SUSD4: variants seen among roughly 807,000 people sequenced by gnomAD.
The protein encoded by SUSD4 is sushi domain containing 4.
SUSD4 carries 41 observed loss-of-function variants against 50.5 expected under a neutral mutation model. That is an observed-to-expected ratio of 0.81 (90% CI 0.63 to 1.05). SUSD4 has a LOEUF of 1.05. Ranked by LOEUF, SUSD4 falls within the 50% of genes least tolerant of loss-of-function variation. SUSD4 has a pLI of 0.00. For missense variants in SUSD4, 580 were observed against 634.7 expected, an observed-to-expected ratio of 0.91 and a Z score of 0.93; for synonymous variants, 257 against 257.3, an observed-to-expected ratio of 1.00 and a Z score of 0.01.
At chr1:223,240,280 T>C (rs1162991351) in intron 5 of SUSD4, among the ~76,000 whole-genome samples, 3 of 152,196 alleles carry the variant, frequency 2.0e-5, no homozygotes, top group Non-Finnish European at 4.4e-5. Context: ...TTTTGTTTTC[T>C]GTTTGTTTTG....
At chr1:223,313,850 C>T (rs1666023222) in intron 2 of SUSD4, among the ~76,000 whole-genome samples, 1 of 152,126 alleles carries the variant, frequency 6.6e-6, no homozygotes, top group African/African-American at 2.4e-5. Flanking sequence ...GCCAGCACCA[C>T]GGCAGCTTAC....
chr1:223,270,054 A>G (rs749322915), intron 3 of SUSD4, among the ~76,000 whole-genome samples: 4 of 151,946 alleles, frequency 2.6e-5, no homozygotes, highest in Non-Finnish European at 5.9e-5. Context: ...TTACTGGGAG[A>G]AATGGGAAGT....
At chr1:223,362,504 T>C (rs1038531864) in intron 2 of SUSD4, among the ~76,000 whole-genome samples, 1 of 152,214 alleles carries the variant, frequency 6.6e-6, no homozygotes, top group Middle Eastern at 3.2e-3. Context: ...GAACTCCATC[T>C]GTCTTCCTCT....
At position 223,328,505 on chromosome 1, in the gene SUSD4, T is replaced by C. The variant is rs554882842; in HGVS notation, c.148+34773A>G. Among the ~76,000 whole-genome samples the C allele has an allele frequency of 3.9e-5, 6 of 152,338 alleles. No individual in the cohort carries two copies. In the East Asian group the frequency reaches 1.2e-3, roughly 29 times the overall value. On this transcript the variant is annotated intron_variant, in intron 2 of 8. Transcript: ENST00000366878. ...TCTTCTGGTGAGACTTTTCAGTGAC[T>C]TCTCCCTGTCAAAAGGTACCTCTGT...
At chr1:223,299,921 A>G (rs1441810590) in intron 2 of SUSD4, among the ~76,000 whole-genome samples, 1 of 152,164 alleles carries the variant, frequency 6.6e-6, no homozygotes, top group Admixed American at 6.5e-5. Flanking sequence ...GTCTCCAAGG[A>G]GATACCTATC....
chr1:223,294,031 T>G (rs1021000031), intron 2 of SUSD4, among the ~76,000 whole-genome samples: 2 of 152,198 alleles, frequency 1.3e-5, no homozygotes, highest in Admixed American at 6.5e-5. Flanking sequence ...GTGTGCATAA[T>G]GCTTTAACCG....
chr1:223,352,240 C>A (rs1183789915), intron 2 of SUSD4, among the ~76,000 whole-genome samples: 2 of 152,198 alleles, frequency 1.3e-5, no homozygotes. Flanking sequence ...TTTAGATAAT[C>A]TGTGTGTTTG....
intron 2 of SUSD4, among the ~76,000 whole-genome samples, chr1:223,296,963 T>A (rs1010988765): frequency 1.3e-4 from 20 of 152,148 alleles, no homozygotes; most frequent in Admixed American, 1.3e-3. Flanking sequence ...CTTATAGCAG[T>A]GTGAGAACAG....
intron 5 of SUSD4, among the ~76,000 whole-genome samples, chr1:223,261,968 A>G (rs1306348179): frequency 6.6e-6 from 1 of 152,170 alleles, no homozygotes; most frequent in Non-Finnish European, 1.5e-5. Flanking sequence ...AGGCTATGTG[A>G]CTTGCCCCAG....
At chr1:223,252,558 C>CAAATT (rs1661407151) in intron 5 of SUSD4, among the ~76,000 whole-genome samples, 1 of 152,094 alleles carries the variant, frequency 6.6e-6, no homozygotes, top group African/African-American at 2.4e-5. Context: ...CTTGGCTTCC[C>CAAATT]AGCTTCCTGA....
At chr1:223,329,751 T>C (rs1179208848) in intron 2 of SUSD4, among the ~76,000 whole-genome samples, 1 of 151,598 alleles carries the variant, frequency 6.6e-6, no homozygotes, top group African/African-American at 2.4e-5. Flanking sequence ...AATGACATAG[T>C]GAATGGACAG....
chr1:223,236,951 T>C (rs1320013791), intron 5 of SUSD4, among the ~76,000 whole-genome samples: 1 of 152,152 alleles, frequency 6.6e-6, no homozygotes, highest in Admixed American at 6.5e-5. Flanking sequence ...AGAACGAACA[T>C]CTGGACAATA....
intron 2 of SUSD4, among the ~76,000 whole-genome samples, chr1:223,296,169 G>T (rs1558225664): frequency 6.6e-6 from 1 of 152,276 alleles, no homozygotes; most frequent in East Asian, 1.9e-4. Flanking sequence ...AGGTGAGTCA[G>T]AAACAAGGCA....
At chr1:223,264,523 A>G in intron 5 of SUSD4, 107 bp downstream of exon 5, 1 of 1,506,270 alleles carries the variant, frequency 6.6e-7, no homozygotes. Flanking sequence ...ATGTATTCAG[A>G]GAAGAAAAGT....
At position 223,268,528 on chromosome 1, in the gene SUSD4, G is replaced by A. The variant is rs757896333; in HGVS notation, c.509C>T (p.Thr170Met). The part of the protein sequence containing the change: ...NMVSLCRDDG[T>M]WNNLPICQGC... Reference sequence around the variant, plus strand: ...TTGACAGATGGGCAGATTATTCCACGTTCCATCATCGCGACATAATGAAAC... The same window carrying A: ...TTGACAGATGGGCAGATTATTCCACATTCCATCATCGCGACATAATGAAAC... Residue 170 changes from threonine (T) to methionine (M), a missense_variant, in exon 4 of 9, where the codon ACG (threonine) becomes ATG (methionine). Transcript: ENST00000366878. 19 of 1,613,888 alleles carry A rather than the reference G, an allele frequency of 1.2e-5. No individual in the cohort carries two copies. The highest frequency in any genetic ancestry group is 1.4e-5 in the Non-Finnish European group (17 of 1,179,912).
At chr1:223,241,248 G>T (rs557824071) in intron 5 of SUSD4, among the ~76,000 whole-genome samples, 21 of 152,314 alleles carry the variant, frequency 1.4e-4, no homozygotes, top group Middle Eastern at 3.4e-3. Context: ...AGCACAAGGG[G>T]ATTTTTATGT....
intron 2 of SUSD4, among the ~76,000 whole-genome samples, chr1:223,329,485 C>A (rs935047186): frequency 1.3e-5 from 2 of 152,192 alleles, no homozygotes; most frequent in Non-Finnish European, 2.9e-5. Flanking sequence ...CTTTTCCCAG[C>A]ATTCCACCTA....
At chr1:223,237,319 T>C (rs1302606640) in intron 5 of SUSD4, among the ~76,000 whole-genome samples, 2 of 152,074 alleles carry the variant, frequency 1.3e-5, no homozygotes, top group Non-Finnish European at 2.9e-5. Flanking sequence ...TTTCTTTCTT[T>C]CCAATCTATA....
At position 223,264,729 on chromosome 1, in the gene SUSD4, G is replaced by T; in HGVS notation, c.625C>A (p.Arg209Ser). 1 of 1,614,186 alleles carries T rather than the reference G, an allele frequency of 6.2e-7. No individual in the cohort carries two copies. The highest frequency in any genetic ancestry group is 8.5e-7 in the Non-Finnish European group (1 of 1,180,032). ...SFPVGTVISY[R>S]CFPGFKLDGS... The stretch of plus-strand genomic sequence containing the variant: ...TCAAGTTTAAATCCGGGAAAGCAGC[G>T]ATAGGAGATCACAGTCCCCACCGGG... The change falls in exon 5 of 9, where the codon CGC becomes AGC. Residue 209 changes from arginine to serine, a missense_variant. Transcript: ENST00000366878.
Sources: gnomAD v4.1 joint callset for allele counts (sites outside exome capture counted in the v4.1 genomes callset) on GRCh38, gnomAD v4.1.1 for gene constraint, MANE v1.5 for transcripts, NCBI Gene and HGNC (gene_info 2026-07-23, HGNC 2026-07-21) for gene names.